Variants in ZNF701 observed in about 807,000 individuals in gnomAD.
The protein encoded by ZNF701 is zinc finger protein 701.
Under a neutral mutation model 7.1 loss-of-function variants are expected in ZNF701, and 6 were observed. The observed-to-expected ratio is 0.84, with a 90% CI of 0.46 to 1.66. ZNF701 has a LOEUF of 1.66. ZNF701 is among the 40% of genes most tolerant of loss of function. The pLI is 0.01. For synonymous variants in ZNF701, 166 were observed against 188.2 expected, an observed-to-expected ratio of 0.88 and a Z score of 0.97; for missense variants, 541 against 559.2, an observed-to-expected ratio of 0.97 and a Z score of 0.33.
rs369009 is a variant in ZNF701 at position 52,583,771 on chromosome 19, A to G, written c.*314A>G. ...ACACTTACTCACCATCAAGCAATCC[A>G]TGGTATAGGGAAACTTGACTAATGT... On this transcript the variant is annotated 3_prime_UTR_variant, in exon 4 of 4. Transcript: ENST00000391785. The G allele has an allele frequency of 0.22, 145,494 of 654,992 alleles. 18,498 individuals are homozygous for G. Among genetic ancestry groups the G allele is most frequent in the African/African-American group, 0.46 (25,578 of 55,638 alleles). The allele number at this position is 654,992 out of a possible 1,614,324, so 40.6% of individuals were successfully genotyped here. A position where few individuals can be genotyped will look rare whatever the true frequency, so the allele number is the denominator to read the frequency against.
chr19:52,576,909 A>G (rs10164362), intron 3 of ZNF701, among the ~76,000 whole-genome samples: 2,285 of 152,220 alleles, frequency 0.015, 56 homozygotes, highest in African/African-American at 0.052. Flanking sequence ...AAAACTCCAG[A>G]TGGGTGGGAA....
chr19:52,584,103 C>A lies in ZNF701; in HGVS notation c.*646C>A. The A allele has an allele frequency of 2.6e-6, 1 of 391,060 alleles. No homozygotes were observed. Among genetic ancestry groups the A allele is most frequent in the South Asian group, 2.0e-5 (1 of 49,014 alleles). The allele number at this position is 391,060 out of a possible 1,614,324, so 24.2% of individuals were successfully genotyped here. A position where few individuals can be genotyped will look rare whatever the true frequency, so the allele number is the denominator to read the frequency against. ...CACACCACATTAGATATCAGAGGAT[C>A]CATACTGGACAGAAATCTTACAAAC... On this transcript the variant is annotated 3_prime_UTR_variant, in exon 4 of 4. Coordinates refer to ENST00000391785, the MANE Select transcript of ZNF701 (RefSeq NM_018260.3).
Position 52,574,188 on chromosome 19 carries a change from T to C in ZNF701, c.15+26T>C, listed in dbSNP as rs145749753. 514 of 1,604,016 alleles carry C rather than the reference T, an allele frequency of 3.2e-4. 3 individuals carry two copies. In the African/African-American group the frequency reaches 6.0e-3, roughly 19 times the overall value. On this transcript the variant is annotated intron_variant, in intron 2 of 3. Transcript: ENST00000391785. ...GTGAGATGATATTCTCGGGGGATTGTTCTGTCTCCTTCCTTTCAGAAATGC... is the reference window on the plus strand; with the variant it reads ...GTGAGATGATATTCTCGGGGGATTGCTCTGTCTCCTTCCTTTCAGAAATGC...
intron 3 of ZNF701, among the ~76,000 whole-genome samples, chr19:52,576,559 C>A (rs1028450934): frequency 6.6e-6 from 1 of 151,892 alleles, no homozygotes; most frequent in African/African-American, 2.4e-5. Flanking sequence ...AAAAACAAAA[C>A]CTTATGGCAG....
At chr19:52,573,948 T>C (rs2059916307) in intron 1 of ZNF701, 129 bp from the exon 2 acceptor site, 2 of 947,044 alleles carry the variant, frequency 2.1e-6, no homozygotes, top group Admixed American at 2.7e-5. Context: ...AAATTTATTA[T>C]CCCTGGTGCA....
intron 3 of ZNF701, among the ~76,000 whole-genome samples, chr19:52,576,784 C>T (rs1183667048): frequency 1.3e-5 from 2 of 152,116 alleles, no homozygotes. Flanking sequence ...TACAAAAGCT[C>T]CAGCACGTCT....
At position 52,586,801 on chromosome 19, in the gene ZNF701, C is replaced by T. The variant is rs1251158081; in HGVS notation, c.*3344C>T. On this transcript the variant is annotated 3_prime_UTR_variant, in exon 4 of 4. Transcript: ENST00000391785. ...GGGCACAATGGAGTGTGTGGCTTTTCCTGTAGGACAGGGAGGTATTTAGTT... is the reference window on the plus strand; with the variant it reads ...GGGCACAATGGAGTGTGTGGCTTTTTCTGTAGGACAGGGAGGTATTTAGTT... 2 of 152,138 alleles carry T rather than the reference C, an allele frequency of 1.3e-5. No homozygotes were observed. The highest frequency in any genetic ancestry group is 2.9e-5 in the Non-Finnish European group (2 of 68,040). The allele number at this position is 152,138 out of a possible 1,614,324, so 9.4% of individuals were successfully genotyped here.
rs373554 is a variant in ZNF701 at position 52,582,871 on chromosome 19, C to A, written c.812C>A (p.Thr271Lys). The A allele has an allele frequency of 0.72, 1,156,842 of 1,613,926 alleles. 416,604 individuals carry two copies. Among genetic ancestry groups the A allele is most frequent in the Non-Finnish European group, 0.73 (865,669 of 1,179,988 alleles). ...TGTCACACTGGTGAGAATCCTTACA[C>A]GTGTAATGAGTGTGGCAAGACATTC... ...HRCHTGENPY[T>K]CNECGKTFSH... The change falls in exon 4 of 4, where the codon ACG becomes AAG. Residue 271 changes from threonine to lysine, a missense_variant. Coordinates refer to ENST00000391785, the MANE Select transcript of ZNF701 (RefSeq NM_018260.3).
chr19:52,596,543 C>T, the ZNF701 span: 97,840 of 402,702 alleles, frequency 0.24, 12,585 homozygotes, highest in Admixed American at 0.33. Flanking sequence ...ACACATGTAA[C>T]GAATGTGGCA....
Position 52,583,330 on chromosome 19 carries a change from A to G in ZNF701, c.1271A>G (p.Asn424Ser), listed in dbSNP as rs781395472. 62 of 1,604,628 alleles carry G rather than the reference A, an allele frequency of 3.9e-5. No individual in the cohort carries two copies. Among genetic ancestry groups the G allele is most frequent in the Non-Finnish European group, 5.1e-5 (60 of 1,172,284 alleles). ...ECGKVFNHKS[N>S]LACHRRLHTG... ...GGCAAGGTTTTTAATCACAAATCAA[A>G]CCTTGCATGTCATCGTAGACTTCAT... Residue 424 changes from asparagine (N) to serine (S), a missense_variant, in exon 4 of 4, where the codon AAC (asparagine) becomes AGC (serine). Coordinates refer to ENST00000391785, the MANE Select transcript of ZNF701 (RefSeq NM_018260.3).
chr19:52,581,251 A>C (rs2059973531), intron 3 of ZNF701, among the ~76,000 whole-genome samples: 1 of 152,212 alleles, frequency 6.6e-6, no homozygotes, highest in African/African-American at 2.4e-5. Flanking sequence ...AGGTAGTCTC[A>C]CTCTGCCACT....
chr19:52,597,862 T>C, the ZNF701 span: 3 of 171,854 alleles, frequency 1.7e-5, no homozygotes, highest in African/African-American at 7.2e-5. Flanking sequence ...TCTGCTGTCA[T>C]CCTCTTGCCC....
chr19:52,588,509 A>C, downstream of ZNF701: 2 of 282,494 alleles, frequency 7.1e-6, no homozygotes, highest in Non-Finnish European at 1.4e-5. Context: ...GAAAAATTAA[A>C]TCTCATATTT....
intron 1 of ZNF701, chr19:52,572,277 A>G (rs2059906059): frequency 4.6e-6 from 3 of 655,180 alleles, no homozygotes; most frequent in Non-Finnish European, 7.2e-6. Context: ...ATGGTCTCGA[A>G]CTCCCGACAT....
chr19:52,576,482 A>G (rs1053905101), intron 3 of ZNF701, among the ~76,000 whole-genome samples: 7 of 152,128 alleles, frequency 4.6e-5, no homozygotes, highest in African/African-American at 1.4e-4. Context: ...CCAAGGTTCC[A>G]GTGACTGAGA....
At chr19:52,587,650 A>AG (rs1445991492), downstream of ZNF701, among the ~76,000 whole-genome samples, 2 of 152,214 alleles carry the variant, frequency 1.3e-5, no homozygotes, top group Non-Finnish European at 2.9e-5. Flanking sequence ...GATCCTGGTG[A>AG]GAACAAGTCC....
downstream of ZNF701, among the ~76,000 whole-genome samples, chr19:52,589,496 T>TTTA (rs2060028291): frequency 2.0e-5 from 3 of 151,442 alleles, no homozygotes; most frequent in Admixed American, 6.6e-5. Context: ...TTTTTTCTTT[T>TTTA]AAGACGGAGT....
At chr19:52,576,453 AT>A (rs1162280471) in intron 3 of ZNF701, among the ~76,000 whole-genome samples, 3 of 152,094 alleles carry the variant, frequency 2.0e-5, no homozygotes, top group Non-Finnish European at 4.4e-5. Context: ...ATGAAAGAGA[AT>A]CGCTTGATCC....
intron 1 of ZNF701, among the ~76,000 whole-genome samples, chr19:52,572,829 C>T (rs201280134): frequency 6.6e-6 from 1 of 152,202 alleles, no homozygotes; most frequent in East Asian, 1.9e-4. Flanking sequence ...ATGACTCCCT[C>T]TGCCCCAGTC....
Sources: allele counts gnomAD v4.1 joint callset (sites outside exome capture counted in the v4.1 genomes callset), GRCh38; gene constraint gnomAD v4.1.1; transcripts MANE v1.5; gene names NCBI Gene and HGNC (gene_info 2026-07-23, HGNC 2026-07-21).